Variants in MARCHF1 observed in about 807,000 individuals in gnomAD.
The protein encoded by MARCHF1 is E3 ubiquitin-protein ligase MARCHF1.
MARCHF1 carries 40 observed loss-of-function variants against 54.2 expected under a neutral mutation model. The ratio of observed to expected loss-of-function variants is 0.74; its 90% CI spans 0.57 to 0.96. MARCHF1 has a LOEUF of 0.96. Ranked by LOEUF, MARCHF1 falls within the 40% of genes least tolerant of loss-of-function variation. The pLI is 0.00. For missense variants in MARCHF1, 586 were observed against 656.5 expected (o/e 0.89, Z 1.17); for synonymous variants, 236 against 236.3 (o/e 1.00, Z 0.01).
intron 1 of MARCHF1, among the ~76,000 whole-genome samples, chr4:164,256,276 G>C (rs1403472664): frequency 6.6e-6 from 1 of 151,560 alleles, no homozygotes; most frequent in Non-Finnish European, 1.5e-5. Context: ...AAAGAGAACT[G>C]CAAACTACTT....
chr4:164,207,712 CTG>C (rs1731651152), intron 1 of MARCHF1, among the ~76,000 whole-genome samples: 2 of 152,236 alleles, frequency 1.3e-5, no homozygotes, highest in South Asian at 4.1e-4. Flanking sequence ...CTGCTGAAGA[CTG>C]TGTGCACTGT....
chr4:163,556,712 T>C (rs549290001), intron 8 of MARCHF1, among the ~76,000 whole-genome samples: 1 of 152,190 alleles, frequency 6.6e-6, no homozygotes, highest in East Asian at 1.9e-4. Context: ...GGTTCCAGTT[T>C]TGGATATAAT....
chr4:164,197,839 A>G lies in MARCHF1; in HGVS notation c.-322-86177T>C. 3.5e-6 allele frequency: 5 copies of G among 1,444,700 alleles called. 1 individual carries two copies. The South Asian group carries it at 5.6e-5, about 16-fold the overall frequency. 89.5% of individuals were successfully genotyped at this position (1,444,700 alleles called of 1,614,324 possible). ...CTCCGCTCGGTTCTCGAGCCCCAAT[A>G]TTTACAAATATTATAATAAAGGGAC... On this transcript the variant is annotated intron_variant, in intron 1 of 9. Transcript: ENST00000514618.
At chr4:163,808,637 C>T (rs149815192) in intron 4 of MARCHF1, among the ~76,000 whole-genome samples, 5,165 of 152,082 alleles carry the variant, frequency 0.034, 107 homozygotes, top group East Asian at 0.074. Flanking sequence ...GGCGTGATCT[C>T]GGCTCACTGC....
At chr4:163,763,543 C>G (rs1746890244) in intron 4 of MARCHF1, among the ~76,000 whole-genome samples, 2 of 151,954 alleles carry the variant, frequency 1.3e-5, no homozygotes, top group Admixed American at 6.6e-5. Flanking sequence ...TTAACTGGGA[C>G]TATGACAAAC....
chr4:163,597,654 GATT>G (rs1272604098), intron 7 of MARCHF1, among the ~76,000 whole-genome samples: 3 of 151,920 alleles, frequency 2.0e-5, no homozygotes, highest in Non-Finnish European at 4.4e-5. Flanking sequence ...AAAATACAAA[GATT>G]ATATTTTTCT....
chr4:164,264,483 T>TA (rs201127299), intron 1 of MARCHF1, among the ~76,000 whole-genome samples: 61 of 141,788 alleles, frequency 4.3e-4, no homozygotes, highest in South Asian at 1.3e-3. Context: ...AAATAAAAGT[T>TA]AAAAAAAAAA....
chr4:163,785,110 T>C (rs1391425185), intron 4 of MARCHF1, among the ~76,000 whole-genome samples: 1 of 152,110 alleles, frequency 6.6e-6, no homozygotes, highest in Non-Finnish European at 1.5e-5. Context: ...TTAAATAATA[T>C]ACACTAAAAT....
chr4:163,593,538 G>A (rs1052731966), intron 7 of MARCHF1, among the ~76,000 whole-genome samples: 1 of 152,120 alleles, frequency 6.6e-6, no homozygotes, highest in Non-Finnish European at 1.5e-5. Context: ...TCTGCATGTG[G>A]CAGAAATTCT....
chr4:164,202,416 G>A (rs1433740594), intron 1 of MARCHF1, among the ~76,000 whole-genome samples: 1 of 152,164 alleles, frequency 6.6e-6, no homozygotes, highest in East Asian at 1.9e-4. Flanking sequence ...TGCAGAGGCA[G>A]GAAGAAGTTA....
chr4:163,627,781 A>T (rs920477092), intron 5 of MARCHF1, among the ~76,000 whole-genome samples: 21 of 152,208 alleles, frequency 1.4e-4, no homozygotes, highest in Admixed American at 2.0e-4. Flanking sequence ...AGATCCACAC[A>T]ATTATGGTCA....
At chr4:164,106,779 T>TAA (rs1230772911) in intron 2 of MARCHF1, among the ~76,000 whole-genome samples, 10,092 of 135,148 alleles carry the variant, frequency 0.075, 418 homozygotes, top group Middle Eastern at 0.17. Context: ...AAATAAAAAA[T>TAA]AAAAAAAAAA....
At chr4:163,723,548 T>C (rs1339067294) in intron 4 of MARCHF1, among the ~76,000 whole-genome samples, 1 of 152,190 alleles carries the variant, frequency 6.6e-6, no homozygotes, top group East Asian at 1.9e-4. Context: ...TTCTCTGTAT[T>C]TCCTGAATTT....
intron 2 of MARCHF1, among the ~76,000 whole-genome samples, chr4:164,003,057 G>C (rs1223811438): frequency 2.6e-5 from 4 of 151,728 alleles, no homozygotes; most frequent in African/African-American, 7.3e-5. Flanking sequence ...AATGAGAAGA[G>C]GAATAAGGAA....
At chr4:164,114,066 T>C (rs1474491016) in intron 1 of MARCHF1, among the ~76,000 whole-genome samples, 1 of 151,944 alleles carries the variant, frequency 6.6e-6, no homozygotes, top group Non-Finnish European at 1.5e-5. Context: ...AAACTAAAGA[T>C]TTGTGAATCG....
intron 1 of MARCHF1, among the ~76,000 whole-genome samples, chr4:164,134,392 T>C (rs561207213): frequency 6.6e-6 from 1 of 152,354 alleles, no homozygotes; most frequent in South Asian, 2.1e-4. Context: ...AGAAATTTCA[T>C]TTACTTTTCC....
chr4:164,023,967 A>T (rs543982618), intron 2 of MARCHF1, among the ~76,000 whole-genome samples: 2 of 152,232 alleles, frequency 1.3e-5, no homozygotes, highest in Non-Finnish European at 2.9e-5. Context: ...TAGCAGAATA[A>T]ACCAAGATGA....
At chr4:164,225,965 G>A (rs773538912) in intron 1 of MARCHF1, among the ~76,000 whole-genome samples, 2 of 151,952 alleles carry the variant, frequency 1.3e-5, no homozygotes, top group Non-Finnish European at 2.9e-5. Context: ...GTGACTGATG[G>A]CAATATTACT....
At chr4:163,756,356 T>A (rs1746666629) in intron 4 of MARCHF1, among the ~76,000 whole-genome samples, 1 of 151,854 alleles carries the variant, frequency 6.6e-6, no homozygotes, top group Non-Finnish European at 1.5e-5. Context: ...AGGCCAGGCA[T>A]GGTGGCTCAT....
Sources: gnomAD v4.1 joint callset for allele counts (sites outside exome capture counted in the v4.1 genomes callset) on GRCh38, gnomAD v4.1.1 for gene constraint, MANE v1.5 for transcripts, NCBI Gene and HGNC (gene_info 2026-07-23, HGNC 2026-07-21) for gene names.